The following ABLIM2 variants were observed in gnomAD, a reference collection of about 807,000 sequenced individuals.
ABLIM2 encodes the protein actin-binding LIM protein 2.
In ABLIM2, 53 loss-of-function variants were observed where a neutral mutation model predicts 97.7. The observed-to-expected ratio is 0.54, with a 90% CI of 0.44 to 0.68. ABLIM2 has a LOEUF of 0.68. ABLIM2 is among the 30% of genes least tolerant of loss of function. ABLIM2 has a pLI of 0.00. For missense variants in ABLIM2, 835 were observed against 867.2 expected, an observed-to-expected ratio of 0.96 and a Z score of 0.47; for synonymous variants, 361 against 345.8, an observed-to-expected ratio of 1.04 and a Z score of -0.49.
At chr4:8,063,605 G>C (rs1280344388) in intron 6 of ABLIM2, among the ~76,000 whole-genome samples, 1 of 152,226 alleles carries the variant, frequency 6.6e-6, no homozygotes, top group African/African-American at 2.4e-5. Context: ...CCTGGCCCCC[G>C]AGTGCAGAGC....
At chr4:8,053,136 C>T (rs891006505) in intron 8 of ABLIM2, among the ~76,000 whole-genome samples, 9 of 152,178 alleles carry the variant, frequency 5.9e-5, no homozygotes, top group Non-Finnish European at 2.9e-5. Flanking sequence ...GGCCAACCTG[C>T]CTCCCATTCT....
intron 2 of ABLIM2, among the ~76,000 whole-genome samples, chr4:8,103,453 C>A (rs945182864): frequency 1.3e-5 from 2 of 152,254 alleles, no homozygotes; most frequent in Non-Finnish European, 2.9e-5. Flanking sequence ...GTGGTCACTG[C>A]CCTGGCTGCC....
At chr4:8,024,240 C>T (rs939862670) in intron 12 of ABLIM2, among the ~76,000 whole-genome samples, 2 of 152,178 alleles carry the variant, frequency 1.3e-5, no homozygotes, top group Non-Finnish European at 2.9e-5. Context: ...GCTTCAGCAG[C>T]ACCGACTCCC....
At position 8,058,123 on chromosome 4, in the gene ABLIM2, G is replaced by A. The variant is rs575531793; in HGVS notation, c.763+2844C>T. Among the ~76,000 whole-genome samples the A allele has an allele frequency of 1.4e-4, 22 of 152,352 alleles. No homozygotes were observed. The highest frequency in any genetic ancestry group is 2.0e-4 in the Admixed American group (3 of 15,310). On this transcript the variant is annotated intron_variant, in intron 7 of 20. Transcript: ENST00000447017. The surrounding 1 kb of genome is among the most constrained non-coding windows in gnomAD (Gnocchi z 4.2). ...ATGAGGTTACCCTTGATGTGAACTC[G>A]TGTCCCCGAGCTGCTGTCCCAAGGC... is the stretch of plus-strand genomic sequence containing the variant.
intron 3 of ABLIM2, among the ~76,000 whole-genome samples, chr4:8,088,753 T>C (rs906884395): frequency 3.3e-5 from 5 of 152,234 alleles, no homozygotes; most frequent in Non-Finnish European, 7.3e-5. Flanking sequence ...TAGGCATGCC[T>C]CATGAGTAAC....
chr4:8,108,319 G>A (rs886681404), intron 1 of ABLIM2, among the ~76,000 whole-genome samples: 4 of 152,206 alleles, frequency 2.6e-5, no homozygotes, highest in South Asian at 2.1e-4. Flanking sequence ...CTAGGGCTGC[G>A]CCCCATGCCT....
intron 1 of ABLIM2, among the ~76,000 whole-genome samples, chr4:8,143,624 G>A (rs58687689): frequency 0.18 from 27,537 of 152,096 alleles, 2,739 homozygotes; most frequent in Middle Eastern, 0.25. Context: ...CTCAGGCCAG[G>A]TTCACTTTCT....
intron 17 of ABLIM2, among the ~76,000 whole-genome samples, chr4:7,985,537 C>T (rs933054941): frequency 6.6e-6 from 1 of 152,162 alleles, no homozygotes; most frequent in African/African-American, 2.4e-5. Context: ...AGTCCATCCA[C>T]CCCAAATGCT....
Position 8,001,653 on chromosome 4 carries a change from A to G in ABLIM2, c.1618+6406T>C, listed in dbSNP as rs2150207919. Among the ~76,000 whole-genome samples the G allele has an allele frequency of 6.6e-6, 1 of 151,338 alleles. No homozygotes were observed. The highest frequency in any genetic ancestry group is 6.6e-5 in the Admixed American group (1 of 15,252). On this transcript the variant is annotated intron_variant, in intron 16 of 20. Transcript: ENST00000447017. This position sits in a 1 kb window ranked among gnomAD's most constrained non-coding sequence, Gnocchi z 4.2. Reference sequence around the variant, plus strand: ...GTCATCACTGTGGCCCCAGCTGGCCACTCCTCCCTAACAGCCTCTGTATAG... The same window carrying G: ...GTCATCACTGTGGCCCCAGCTGGCCGCTCCTCCCTAACAGCCTCTGTATAG...
chr4:8,156,574 G>C (rs960101801), intron 1 of ABLIM2, among the ~76,000 whole-genome samples: 1 of 152,258 alleles, frequency 6.6e-6, no homozygotes, highest in African/African-American at 2.4e-5. Flanking sequence ...ACAGCCCAAA[G>C]GAACAGGGAG....
rs1281280367 is a variant in ABLIM2, at chr4:8,122,333, C to T, written c.11-15696G>A. On this transcript the variant is annotated intron_variant, in intron 1 of 20. Transcript: ENST00000447017. The surrounding 1 kb of genome is among the most constrained non-coding windows in gnomAD (Gnocchi z 4.1). ...CATCCTCCATTTCCCAGGGGACACC[C>T]TCTGTCCTGGTCCATGTGGGCTGCC... Among the ~76,000 whole-genome samples the T allele has an allele frequency of 1.3e-5, 2 of 152,238 alleles. No individual in the cohort carries two copies. The highest frequency in any genetic ancestry group is 4.8e-5 in the African/African-American group (2 of 41,460).
rs186601701 is a variant in ABLIM2, at chr4:8,109,921, C to G, written c.11-3284G>C. The stretch of plus-strand genomic sequence containing the variant: ...TGGTTGAATCCACAGCAGGCTTGTC[C>G]CACGCGCCTTTTGCCTGCGGAGTCA... On this transcript the variant is annotated intron_variant, in intron 1 of 20. Transcript: ENST00000447017. Among the ~76,000 whole-genome samples, 304 of 152,354 alleles carry G rather than the reference C, an allele frequency of 2.0e-3. 2 individuals are homozygous for G. Among genetic ancestry groups the G allele is most frequent in the African/African-American group, 7.0e-3 (293 of 41,586 alleles).
chr4:8,045,583 T>C (rs1378002337), intron 8 of ABLIM2, among the ~76,000 whole-genome samples: 2 of 152,086 alleles, frequency 1.3e-5, no homozygotes, highest in Non-Finnish European at 2.9e-5. Flanking sequence ...TGGGAGGCGG[T>C]GCTCAGTGAG....
At chr4:8,118,884 C>G (rs760021286) in intron 1 of ABLIM2, among the ~76,000 whole-genome samples, 1 of 152,214 alleles carries the variant, frequency 6.6e-6, no homozygotes, top group Non-Finnish European at 1.5e-5. Context: ...GCTTCAGGAC[C>G]TAAGCGCCCT....
intron 3 of ABLIM2, 81 bp from the exon 4 acceptor site, chr4:8,088,365 A>ATT: frequency 1.9e-6 from 2 of 1,067,508 alleles, no homozygotes; most frequent in Middle Eastern, 2.0e-4. Flanking sequence ...GCAGGAGACC[A>ATT]GGGCCAATGT....
In ABLIM2 at chr4:8,075,700, A is replaced by T. The variant is rs374891761; in HGVS notation, c.675+1928T>A. 4.6e-5 allele frequency among the ~76,000 whole-genome samples: 7 copies of T among 152,308 alleles called. 1 individual carries two copies. The highest frequency in any genetic ancestry group is 1.7e-4 in the African/African-American group (7 of 41,554). On this transcript the variant is annotated intron_variant, in intron 6 of 20. Coordinates refer to ENST00000447017, the MANE Select transcript of ABLIM2 (RefSeq NM_001130083.2). The surrounding 1 kb of genome is among the most constrained non-coding windows in gnomAD (Gnocchi z 4.4). ...GAGTGAGAACCTCTCCAAAAAAAGA[A>T]AAAAAAGAAAACCATTGACTTGTGC...
intron 16 of ABLIM2, among the ~76,000 whole-genome samples, chr4:8,006,457 C>T (rs60837945): frequency 0.03 from 4,588 of 152,334 alleles, 258 homozygotes; most frequent in African/African-American, 0.1. Flanking sequence ...GAACACTGAA[C>T]GATGCCACCT....
intron 8 of ABLIM2, among the ~76,000 whole-genome samples, chr4:8,052,896 G>A (rs1431691619): frequency 6.6e-6 from 1 of 152,252 alleles, no homozygotes; most frequent in East Asian, 1.9e-4. Flanking sequence ...TGGAATGGAT[G>A]AGGTCTACGG....
In ABLIM2 at chr4:8,071,401, G is replaced by A. The variant is rs867969155; in HGVS notation, c.675+6227C>T. Among the ~76,000 whole-genome samples the A allele has an allele frequency of 5.3e-5, 8 of 152,186 alleles. No individual in the cohort carries two copies. Among genetic ancestry groups the A allele is most frequent in the Non-Finnish European group, 1.0e-4 (7 of 68,028 alleles). ...GCCAACATGCATGAGGGTGCTGCAC[G>A]TTTAGGAGAAACTGAGGGAGAGACG... On this transcript the variant is annotated intron_variant, in intron 6 of 20. Transcript: ENST00000447017. The surrounding 1 kb of genome is among the most constrained non-coding windows in gnomAD (Gnocchi z 6.2).
Sources: allele counts gnomAD v4.1 joint callset (sites outside exome capture counted in the v4.1 genomes callset), GRCh38; gene constraint gnomAD v4.1.1; non-coding constraint Gnocchi (gnomAD v3.1); transcripts MANE v1.5; gene names NCBI Gene and HGNC (gene_info 2026-07-23, HGNC 2026-07-21).